Variants in NAV2 observed in about 807,000 individuals in gnomAD.
NAV2 encodes the protein neuron navigator 2.
In NAV2, 54 loss-of-function variants were observed where a neutral mutation model predicts 223.2. The ratio of observed to expected loss-of-function variants is 0.24; its 90% CI spans 0.19 to 0.30. The LOEUF (loss-of-function observed/expected upper bound fraction) is 0.30, where lower values mean the gene tolerates loss of function less well. NAV2 is among the 10% of genes least tolerant of loss of function. NAV2 has a pLI of 1.00. For synonymous variants in NAV2, 1,279 were observed against 1,239.3 expected, an observed-to-expected ratio of 1.03 and a Z score of -0.67; for missense variants, 2,806 against 3,147.5, an observed-to-expected ratio of 0.89 and a Z score of 2.60.
At position 20,048,729 on chromosome 11, in the gene NAV2, C is replaced by A; in HGVS notation, c.3904C>A (p.Leu1302Ile). The change falls in exon 15 of 38, where the codon CTC (leucine) becomes ATC (isoleucine). Residue 1302 changes from leucine to isoleucine, a missense_variant and splice_region_variant. This residue lies in a region of NAV2 where 742 missense variants were observed against 777.9 expected (regional missense o/e 0.95). Transcript: ENST00000349880. ...ACACAACCCTTTGTCTCTTCACAGACTCTTTGGTGGGAAGCCTACCAAGCA... is the reference window on the plus strand; with the variant it reads ...ACACAACCCTTTGTCTCTTCACAGAATCTTTGGTGGGAAGCCTACCAAGCA... ...PDVASPTLRR[L>I]FGGKPTKQVP... 1 of 1,613,534 alleles carries A rather than the reference C, an allele frequency of 6.2e-7. No homozygotes were observed. The highest frequency in any genetic ancestry group is 1.7e-4 in the Middle Eastern group (1 of 6,058).
At chr11:19,803,589 C>T (rs892701007) in intron 1 of NAV2, among the ~76,000 whole-genome samples, 4 of 152,232 alleles carry the variant, frequency 2.6e-5, no homozygotes, top group African/African-American at 9.6e-5. Flanking sequence ...TATTGTGAGG[C>T]TTCATTGAGA....
At chr11:19,562,873 A>G (rs1431515252) in intron 1 of NAV2, among the ~76,000 whole-genome samples, 3 of 152,238 alleles carry the variant, frequency 2.0e-5, no homozygotes, top group African/African-American at 4.8e-5. Context: ...TGGTGTGGTC[A>G]GTAAGATGTC....
At chr11:20,026,004 G>A (rs768991744) in intron 11 of NAV2, among the ~76,000 whole-genome samples, 1 of 152,204 alleles carries the variant, frequency 6.6e-6, no homozygotes, top group Non-Finnish European at 1.5e-5. Context: ...CTAACTGGAT[G>A]TTATTAGAAC....
At chr11:19,852,869 G>A (rs984520478) in intron 3 of NAV2, among the ~76,000 whole-genome samples, 1 of 152,220 alleles carries the variant, frequency 6.6e-6, no homozygotes, top group Admixed American at 6.5e-5. Flanking sequence ...AGAATGGAGT[G>A]ATGTGACATA....
At chr11:19,906,562 A>C (rs1265796676) in intron 6 of NAV2, among the ~76,000 whole-genome samples, 18 of 152,184 alleles carry the variant, frequency 1.2e-4, no homozygotes, top group Non-Finnish European at 1.5e-5. Context: ...GAAAATGAGA[A>C]TGCACTGAGC....
At chr11:19,819,722 C>G (rs1032318708) in intron 1 of NAV2, among the ~76,000 whole-genome samples, 2 of 152,200 alleles carry the variant, frequency 1.3e-5, no homozygotes, top group Admixed American at 1.3e-4. Flanking sequence ...ACTTTACAAA[C>G]ACTGAGTCCC....
At chr11:19,809,823 C>G (rs1359856311) in intron 1 of NAV2, among the ~76,000 whole-genome samples, 1 of 152,164 alleles carries the variant, frequency 6.6e-6, no homozygotes, top group East Asian at 1.9e-4. Flanking sequence ...GATGCTTTTC[C>G]CCTAATTAGA....
At chr11:19,866,765 C>T (rs918741034) in intron 3 of NAV2, among the ~76,000 whole-genome samples, 3 of 152,020 alleles carry the variant, frequency 2.0e-5, no homozygotes, top group African/African-American at 7.3e-5. Context: ...AAAATCTTAA[C>T]CTACCTCGTC....
At chr11:19,564,145 T>C (rs2045188599) in intron 1 of NAV2, among the ~76,000 whole-genome samples, 1 of 152,130 alleles carries the variant, frequency 6.6e-6, no homozygotes, top group Non-Finnish European at 1.5e-5. Context: ...AAGCCTGGCC[T>C]ACCCATTCTG....
chr11:19,924,143 C>T (rs183737859), intron 6 of NAV2, among the ~76,000 whole-genome samples: 1 of 152,218 alleles, frequency 6.6e-6, no homozygotes, highest in Admixed American at 6.5e-5. Flanking sequence ...TAGGGTCAAA[C>T]ATAAGCCCAG....
intron 4 of NAV2, among the ~76,000 whole-genome samples, chr11:19,873,907 G>T (rs534027364): frequency 6.6e-6 from 1 of 152,116 alleles, no homozygotes; most frequent in African/African-American, 2.4e-5. Flanking sequence ...TTATGCAGCC[G>T]GCCCAACTGC....
intron 6 of NAV2, among the ~76,000 whole-genome samples, chr11:19,901,180 A>G (rs2042419058): frequency 6.6e-6 from 1 of 152,178 alleles, no homozygotes; most frequent in Non-Finnish European, 1.5e-5. Context: ...TTTACATTTC[A>G]CACCCATGAG....
At chr11:19,452,328 G>C (rs1039448406) in intron 1 of NAV2, among the ~76,000 whole-genome samples, 1 of 152,184 alleles carries the variant, frequency 6.6e-6, no homozygotes, top group Admixed American at 6.5e-5. Context: ...GACATATGGA[G>C]ACGAATGAGG....
At chr11:19,399,217 C>T (rs557670003) in intron 1 of NAV2, among the ~76,000 whole-genome samples, 3 of 152,148 alleles carry the variant, frequency 2.0e-5, no homozygotes, top group South Asian at 4.2e-4. Flanking sequence ...GCTGAGTGTC[C>T]GTGATGAATT....
intron 1 of NAV2, among the ~76,000 whole-genome samples, chr11:19,777,095 C>CG (rs1410734323): frequency 3.3e-5 from 2 of 60,126 alleles, no homozygotes; most frequent in Non-Finnish European, 6.2e-5. Context: ...AGCCGCCGAC[C>CG]CCCCCCCCCA....
rs200254507 is a variant in NAV2 at position 20,055,857 on chromosome 11, T to C, written c.4731T>C (p.Asp1577=). ...TCTCCAATGCTGATGGGCAGTATGA[T>C]CCATACACTGACAGCCGCTTCCGGA... ...HSLSNADGQY[D]PYTDSRFRNS... is the part of the protein sequence containing the mutation. Residue 1577 remains aspartate, a synonymous_variant, in exon 19 of 38, where the codon GAT becomes GAC. Transcript: ENST00000349880. 1.4e-5 allele frequency: 23 copies of C among 1,614,124 alleles called. No homozygotes were observed. The African/African-American group carries it at 2.7e-4, about 19-fold the overall frequency.
At chr11:19,855,070 G>A (rs1052849847) in intron 3 of NAV2, among the ~76,000 whole-genome samples, 16 of 151,954 alleles carry the variant, frequency 1.1e-4, no homozygotes, top group African/African-American at 3.9e-4. Context: ...GCTTAGGAAG[G>A]CTCTTAAACA....
intron 1 of NAV2, among the ~76,000 whole-genome samples, chr11:19,539,962 G>A (rs992753747): frequency 7.2e-5 from 11 of 152,130 alleles, no homozygotes; most frequent in Non-Finnish European, 1.5e-4. Context: ...GTCCCGATAG[G>A]AGCACATAAT....
intron 1 of NAV2, among the ~76,000 whole-genome samples, chr11:19,796,736 C>T (rs77994466): frequency 0.039 from 5,911 of 152,282 alleles, 327 homozygotes; most frequent in East Asian, 0.13. Context: ...AACCTTACTA[C>T]CACATGCCCC....
Sources: allele counts gnomAD v4.1 joint callset (sites outside exome capture counted in the v4.1 genomes callset), GRCh38; gene constraint gnomAD v4.1.1; regional missense constraint gnomAD v4.1.1; transcripts MANE v1.5; gene names NCBI Gene and HGNC (gene_info 2026-07-23, HGNC 2026-07-21).